Variants in PIGX observed in about 807,000 individuals in gnomAD.
PIGX encodes the protein GPI alpha-1,4-mannosyltransferase I, stabilizing subunit.
In PIGX, 24 loss-of-function variants were observed where a neutral mutation model predicts 28.7. The ratio of observed to expected loss-of-function variants is 0.84; its 90% CI spans 0.60 to 1.17. The LOEUF (loss-of-function observed/expected upper bound fraction) is 1.17, where lower values mean the gene tolerates loss of function less well. Ranked by LOEUF, PIGX falls within the 50% of genes most tolerant of loss-of-function variation. PIGX has a pLI of 0.00. For synonymous variants in PIGX, 127 were observed against 121.0 expected (o/e 1.05, Z -0.33); for missense variants, 305 against 317.8 (o/e 0.96, Z 0.31).
At chr3:196,729,264 C>T (rs779815141) in intron 4 of PIGX, among the ~76,000 whole-genome samples, 18 of 151,640 alleles carry the variant, frequency 1.2e-4, no homozygotes, top group Non-Finnish European at 2.4e-4. Context: ...ACCCAGGAGG[C>T]GGAGGTTGCA....
intron 1 of PIGX, among the ~76,000 whole-genome samples, chr3:196,716,088 C>T (rs1025172132): frequency 1.6e-4 from 24 of 152,170 alleles, no homozygotes; most frequent in African/African-American, 5.8e-4. Context: ...TCATAGCTCA[C>T]TGAAGCCCCC....
rs756946488 is a variant in PIGX at position 196,727,941 on chromosome 3, A to T, written c.337A>T (p.Asn113Tyr). 2 of 1,608,674 alleles carry T rather than the reference A, an allele frequency of 1.2e-6. No homozygotes were observed. Among genetic ancestry groups the T allele is most frequent in the Non-Finnish European group, 1.7e-6 (2 of 1,176,244 alleles). The change falls in exon 4 of 6, where the codon AAT becomes TAT. Residue 113 changes from asparagine (N) to tyrosine (Y), a missense_variant. Coordinates refer to ENST00000392391, the MANE Select transcript of PIGX (RefSeq NM_017861.4). Reference sequence around the variant, plus strand: ...TGAACAGGCAGTGATGGTTTCAGAAAATTTTGATATAGAGGCCCCTAACTA... The same window carrying T: ...TGAACAGGCAGTGATGGTTTCAGAATATTTTGATATAGAGGCCCCTAACTA...
chr3:196,721,277 T>G, intron 2 of PIGX: 1 of 284,392 alleles, frequency 3.5e-6, no homozygotes, highest in South Asian at 3.2e-5. Flanking sequence ...TGTGCTTCAG[T>G]GTGGGTAGTT....
intron 1 of PIGX, 184 bp downstream of exon 1, chr3:196,712,828 C>T (rs893065921): frequency 4.0e-5 from 44 of 1,099,246 alleles, no homozygotes; most frequent in Middle Eastern, 8.0e-4. Flanking sequence ...TGCGGCGGAT[C>T]CCGGGTCTCC....
intron 4 of PIGX, among the ~76,000 whole-genome samples, chr3:196,729,053 G>A (rs2108686674): frequency 6.6e-6 from 1 of 152,250 alleles, no homozygotes; most frequent in Middle Eastern, 3.4e-3. Context: ...AGCTTTTGCT[G>A]CCGGGCGAGG....
rs1712926250 is a variant in PIGX, at chr3:196,734,258, T to C, written c.*356T>C. ...AAGTACTTTCAATTTAAGCTACAAA[T>C]TGAGAAAACCGTTATAAATAAGAAT... On this transcript the variant is annotated 3_prime_UTR_variant, in exon 6 of 6. Coordinates refer to ENST00000392391, the MANE Select transcript of PIGX (RefSeq NM_017861.4). 5.4e-6 allele frequency: 1 copy of C among 183,522 alleles called. No individual in the cohort carries two copies. The highest frequency in any genetic ancestry group is 1.2e-4 in the South Asian group (1 of 8,382). 11.4% of individuals were successfully genotyped at this position (183,522 alleles called of 1,614,324 possible). A position where few individuals can be genotyped will look rare whatever the true frequency, so the allele number is the denominator to read the frequency against.
chr3:196,718,325 AAG>A (rs1050495562), intron 2 of PIGX, among the ~76,000 whole-genome samples: 4 of 152,098 alleles, frequency 2.6e-5, no homozygotes, highest in African/African-American at 9.7e-5. Flanking sequence ...AGAAAAAAAA[AAG>A]GGGGGGAAGG....
In PIGX at chr3:196,732,239, TATATATATATATATA is replaced by T. The variant is rs1712808600; in HGVS notation, c.633+1148_633+1162del. Among the ~76,000 whole-genome samples the T allele has an allele frequency of 1.1e-3, 75 of 65,920 alleles. 6 individuals are homozygous for T. The highest frequency in any genetic ancestry group is 7.1e-3 in the Admixed American group (42 of 5,896). The allele number at this position is 65,920 out of a possible 152,430, so 43.2% of individuals were successfully genotyped here. ...ATTTATATATATATATATATATATA[TATATATATATATATA>T]TATTTTATTTTATTTTATTTTTTTT... On this transcript the variant is annotated intron_variant, in intron 5 of 5. Coordinates refer to ENST00000392391, the MANE Select transcript of PIGX (RefSeq NM_017861.4).
chr3:196,724,843 T>A (rs923253789), intron 3 of PIGX, among the ~76,000 whole-genome samples: 1 of 152,180 alleles, frequency 6.6e-6, no homozygotes, highest in African/African-American at 2.4e-5. Flanking sequence ...TAAGTGTAAC[T>A]GGGTAGAAGG....
chr3:196,728,195 GTCC>G (rs750717706), intron 4 of PIGX, 59 bp downstream of exon 4: 9 of 1,391,492 alleles, frequency 6.5e-6, no homozygotes, highest in Non-Finnish European at 9.1e-6. Context: ...ATGGTGGCAA[GTCC>G]TCCTTCTGCT....
At position 196,733,082 on chromosome 3, in the gene PIGX, T is replaced by C. The variant is rs1712876704; in HGVS notation, c.634-677T>C. Among the ~76,000 whole-genome samples the C allele has an allele frequency of 6.6e-6, 1 of 152,244 alleles. No individual in the cohort carries two copies. The highest frequency in any genetic ancestry group is 6.5e-5 in the Admixed American group (1 of 15,286). On this transcript the variant is annotated intron_variant, in intron 5 of 5. Transcript: ENST00000392391. The surrounding 1 kb of genome is among the most constrained non-coding windows in gnomAD (Gnocchi z 4.3). ...TCAATTTAGAGAGAATTCTGTATTC[T>C]AATTTGAAACATGGTAAGAGGAAGT...
In PIGX at chr3:196,735,519, G is replaced by C. The variant is rs1444781404; in HGVS notation, c.*1617G>C. On this transcript the variant is annotated 3_prime_UTR_variant, in exon 6 of 6. Transcript: ENST00000392391. ...TAATTTGACATGTATGACCTGACTA[G>C]TCCTAACAGTTCTTTTTAAACGTGT... The C allele has an allele frequency of 2.6e-5, 4 of 151,916 alleles. No homozygotes were observed. The highest frequency in any genetic ancestry group is 9.7e-5 in the African/African-American group (4 of 41,338). 9.4% of individuals were successfully genotyped at this position (151,916 alleles called of 1,614,324 possible). A position where few individuals can be genotyped will look rare whatever the true frequency, so the allele number is the denominator to read the frequency against.
chr3:196,716,025 T>A (rs1187691060), intron 1 of PIGX, among the ~76,000 whole-genome samples: 3 of 152,118 alleles, frequency 2.0e-5, no homozygotes, highest in African/African-American at 4.8e-5. Context: ...TCTTTTTTTG[T>A]GTTTAGAGAC....
At position 196,723,208 on chromosome 3, in the gene PIGX, G is replaced by A. The variant is rs531608799; in HGVS notation, c.318+652G>A. Among the ~76,000 whole-genome samples, 19 of 152,298 alleles carry A rather than the reference G, an allele frequency of 1.2e-4. 1 individual carries two copies. The highest frequency in any genetic ancestry group is 4.6e-4 in the African/African-American group (19 of 41,570). On this transcript the variant is annotated intron_variant, in intron 3 of 5. Transcript: ENST00000392391. ...ATACAAAAATTAGCCAGGTGTGGTG[G>A]TGGGCGCCTGTAATCCCAGCTACTT...
At chr3:196,731,420 C>T (rs183202641) in intron 5 of PIGX, among the ~76,000 whole-genome samples, 6 of 152,282 alleles carry the variant, frequency 3.9e-5, no homozygotes, top group East Asian at 1.9e-4. Flanking sequence ...TTAGGTGATC[C>T]GCCTATCTTG....
chr3:196,725,015 G>T (rs772791165), intron 3 of PIGX, among the ~76,000 whole-genome samples: 3 of 152,166 alleles, frequency 2.0e-5, no homozygotes, highest in Non-Finnish European at 4.4e-5. Flanking sequence ...GATGGTTTGT[G>T]AATAATTTGA....
chr3:196,717,015 A>G, intron 2 of PIGX, 94 bp downstream of exon 2: 1 of 745,436 alleles, frequency 1.3e-6, no homozygotes, highest in South Asian at 1.6e-5. Context: ...AAATTGAAAA[A>G]TCAGGCCAGA....
intron 1 of PIGX, chr3:196,713,206 C>A: frequency 6.0e-6 from 3 of 496,692 alleles, no homozygotes; most frequent in Non-Finnish European, 7.8e-6. Context: ...TCCTTGGTAT[C>A]ATTTAGATCC....
At chr3:196,730,149 T>C (rs1712690789) in intron 4 of PIGX, among the ~76,000 whole-genome samples, 1 of 152,092 alleles carries the variant, frequency 6.6e-6, no homozygotes, top group Non-Finnish European at 1.5e-5. Flanking sequence ...GTTACCGTCA[T>C]ACCTTTCATG....
Sources: allele counts gnomAD v4.1 joint callset (sites outside exome capture counted in the v4.1 genomes callset), GRCh38; gene constraint gnomAD v4.1.1; non-coding constraint Gnocchi (gnomAD v3.1); transcripts MANE v1.5; gene names NCBI Gene and HGNC (gene_info 2026-07-23, HGNC 2026-07-21).